UTRN: variants seen among roughly 807,000 people sequenced by gnomAD.
The protein encoded by UTRN is utrophin.
Under a neutral mutation model 463.9 loss-of-function variants are expected in UTRN, and 283 were observed. That is an observed-to-expected ratio of 0.61 (90% CI 0.55 to 0.67). The LOEUF (loss-of-function observed/expected upper bound fraction) is 0.67. Among genes scored for constraint, UTRN ranks in the 30% least tolerant of loss-of-function variants. UTRN has a pLI of 0.00. For missense variants in UTRN, 3,922 were observed against 4,084.3 expected (o/e 0.96, Z 1.08); for synonymous variants, 1,442 against 1,431.5 (o/e 1.01, Z -0.17).
At chr6:144,453,934 G>A (rs575853637) in intron 19 of UTRN, 65 bp downstream of exon 19, 4 of 1,436,406 alleles carry the variant, frequency 2.8e-6, no homozygotes, top group South Asian at 2.6e-5. Context: ...ATTACAGTTT[G>A]CCCTATTAAA....
chr6:144,372,401 TGAAAGACAGTCCAGAGGATGGGA>T lies in UTRN; in HGVS notation c.80-30717_80-30695del, dbSNP rs1464959882. On this transcript the variant is annotated intron_variant, in intron 2 of 74. Coordinates refer to ENST00000367545, the MANE Select transcript of UTRN (RefSeq NM_007124.3). Reference sequence around the variant, plus strand: ...GAGGATTAAAATAAGAAAATGCAAGTGAAAGACAGTCCAGAGGATGGGAGAAAATATTTGCAAATTAGGTATCT... The same window carrying T: ...GAGGATTAAAATAAGAAAATGCAAGTGAAAATATTTGCAAATTAGGTATCT... 3.9e-5 allele frequency among the ~76,000 whole-genome samples: 6 copies of T among 152,326 alleles called. No homozygotes were observed. In the East Asian group the frequency reaches 1.2e-3, roughly 29 times the overall value.
At chr6:144,386,991 G>A (rs1781479956) in intron 2 of UTRN, among the ~76,000 whole-genome samples, 1 of 152,084 alleles carries the variant, frequency 6.6e-6, no homozygotes, top group Middle Eastern at 3.4e-3. Flanking sequence ...CATAAGCAAA[G>A]GACAGATACT....
chr6:144,790,172 T>A (rs895278198), intron 62 of UTRN, among the ~76,000 whole-genome samples: 3 of 152,246 alleles, frequency 2.0e-5, no homozygotes, highest in African/African-American at 7.2e-5. Context: ...ATGGTAGCAG[T>A]TGCTGCTGAG....
rs186488115 is a variant in UTRN at position 144,851,747 on chromosome 6, C to T, written c.*750C>T. On this transcript the variant is annotated 3_prime_UTR_variant, in exon 75 of 75. Transcript: ENST00000367545. ...TGGCATTTCTTTTGGGATATTTTTC[C>T]TGCATTTTATTCCCTTTTTATATAA... 5.2e-4 allele frequency: 79 copies of T among 152,146 alleles called. 1 individual carries two copies. Among genetic ancestry groups the T allele is most frequent in the Admixed American group, 4.1e-3 (62 of 15,282 alleles). 9.4% of individuals were successfully genotyped at this position (152,146 alleles called of 1,614,324 possible).
chr6:144,642,899 AG>A (rs561790847), intron 51 of UTRN, among the ~76,000 whole-genome samples: 313 of 152,264 alleles, frequency 2.1e-3, no homozygotes, highest in Non-Finnish European at 4.0e-3. Context: ...TTTGACCATG[AG>A]CCTAATTTAA....
chr6:144,686,655 C>CTT (rs199966410), intron 52 of UTRN, among the ~76,000 whole-genome samples: 2 of 150,762 alleles, frequency 1.3e-5, no homozygotes, highest in Non-Finnish European at 3.0e-5. Context: ...CCTTCTTTGT[C>CTT]TTTTTTTTTA....
At position 144,790,155 on chromosome 6, in the gene UTRN, TG is replaced by T. The variant is rs555663104; in HGVS notation, c.8920+877del. Among the ~76,000 whole-genome samples the T allele has an allele frequency of 2.9e-3, 442 of 152,356 alleles. 2 individuals are homozygous for T. The highest frequency in any genetic ancestry group is 7.0e-3 in the South Asian group (34 of 4,828). On this transcript the variant is annotated intron_variant, in intron 62 of 74. Transcript: ENST00000367545. ...TAAGGTACCTAGAAATAGCAGTTGT[TG>T]AATAAATGGTAGCAGTTGCTGCTGA...
chr6:144,771,900 T>C lies in UTRN; in HGVS notation c.8496-7T>C, dbSNP rs372901031. 1.3e-6 allele frequency: 2 copies of C among 1,583,380 alleles called. No individual in the cohort carries two copies. The highest frequency in any genetic ancestry group is 1.7e-6 in the Non-Finnish European group (2 of 1,170,992). ...TTTATTTTTAAAATTTTACCTTTTT[T>C]TTCCAGCCATCAAACACAGACCACC... On this transcript the variant is annotated splice_polypyrimidine_tract_variant and splice_region_variant and intron_variant, in intron 58 of 74. Transcript: ENST00000367545.
chr6:144,788,503 G>T (rs919880862), intron 61 of UTRN, among the ~76,000 whole-genome samples: 1 of 151,398 alleles, frequency 6.6e-6, no homozygotes, highest in Non-Finnish European at 1.5e-5. Context: ...TATAGTGTGC[G>T]TAGCTCTAGC....
intron 73 of UTRN, among the ~76,000 whole-genome samples, chr6:144,842,110 CAAAAAAAAAAA>C (rs35954430): frequency 1.1e-4 from 7 of 62,104 alleles, no homozygotes; most frequent in African/African-American, 1.4e-4. Flanking sequence ...ACTTCCTCTC[CAAAAAAAAAAA>C]AAAAAAAAAA....
In UTRN at chr6:144,480,050, A is replaced by G. The variant is rs369751416; in HGVS notation, c.3507+68A>G. The G allele has an allele frequency of 8.9e-5, 137 of 1,539,252 alleles. 2 individuals carry two copies. In the East Asian group the frequency reaches 1.2e-3, roughly 14 times the overall value. On this transcript the variant is annotated intron_variant, in intron 26 of 74. Coordinates refer to ENST00000367545, the MANE Select transcript of UTRN (RefSeq NM_007124.3). ...TCCTCCCTTTAAAACCAGCACATCA[A>G]TCATCTGTCTATCTGTCAAACACTA...
At position 144,415,566 on chromosome 6, in the gene UTRN, T is replaced by C. The variant is rs576989070; in HGVS notation, c.142-6312T>C. 2.6e-5 allele frequency among the ~76,000 whole-genome samples: 4 copies of C among 152,338 alleles called. No individual in the cohort carries two copies. The South Asian group carries it at 8.3e-4, about 32-fold the overall frequency. On this transcript the variant is annotated intron_variant, in intron 3 of 74. Transcript: ENST00000367545. Reference sequence around the variant, plus strand: ...AAAACATGATCTGTGGTAGAAATATTAATAATTGTGCTTTGAGAGTATTGA... The same window carrying C: ...AAAACATGATCTGTGGTAGAAATATCAATAATTGTGCTTTGAGAGTATTGA...
At chr6:144,350,406 G>A (rs1778011996) in intron 2 of UTRN, among the ~76,000 whole-genome samples, 1 of 152,102 alleles carries the variant, frequency 6.6e-6, no homozygotes, top group Admixed American at 6.5e-5. Context: ...CTATGGGTGA[G>A]CATGGCTTTT....
intron 52 of UTRN, among the ~76,000 whole-genome samples, chr6:144,682,437 C>T (rs1479414302): frequency 1.3e-5 from 2 of 152,196 alleles, no homozygotes; most frequent in Non-Finnish European, 2.9e-5. Context: ...AGTACTGCCA[C>T]AAACATGGGA....
intron 2 of UTRN, among the ~76,000 whole-genome samples, chr6:144,384,403 C>T (rs1781229029): frequency 6.6e-6 from 1 of 152,088 alleles, no homozygotes; most frequent in Admixed American, 6.6e-5. Context: ...GTCGTACACT[C>T]CTTATTAGAA....
At chr6:144,428,043 GT>G (rs938366241) in intron 7 of UTRN, among the ~76,000 whole-genome samples, 8 of 152,098 alleles carry the variant, frequency 5.3e-5, no homozygotes, top group African/African-American at 1.9e-4. Flanking sequence ...AGGGAGGGAA[GT>G]GGGGGAAGTG....
At chr6:144,654,854 C>T (rs977397630) in intron 51 of UTRN, among the ~76,000 whole-genome samples, 6 of 152,228 alleles carry the variant, frequency 3.9e-5, no homozygotes, top group African/African-American at 1.4e-4. Flanking sequence ...CTGACTCCTG[C>T]ACCTGGTTGG....
At chr6:144,481,679 T>C (rs1275522811) in intron 26 of UTRN, among the ~76,000 whole-genome samples, 1 of 151,266 alleles carries the variant, frequency 6.6e-6, no homozygotes, top group Non-Finnish European at 1.5e-5. Flanking sequence ...ACGTTAACAC[T>C]GCTGTTATGA....
At chr6:144,772,810 T>C (rs574613781) in intron 59 of UTRN, among the ~76,000 whole-genome samples, 2 of 152,194 alleles carry the variant, frequency 1.3e-5, no homozygotes. Flanking sequence ...TTTCAACTTA[T>C]TGTTTAACCT....
Sources: gnomAD v4.1 joint callset for allele counts (sites outside exome capture counted in the v4.1 genomes callset) on GRCh38, gnomAD v4.1.1 for gene constraint, MANE v1.5 for transcripts, NCBI Gene and HGNC (gene_info 2026-07-23, HGNC 2026-07-21) for gene names.